The following PDGFD variants were observed in gnomAD, a reference collection of about 807,000 sequenced individuals.
PDGFD encodes the protein platelet-derived growth factor D.
A neutral mutation model predicts 44.7 loss-of-function variants in PDGFD; 30 were observed. That is an observed-to-expected ratio of 0.67 (90% confidence interval 0.50 to 0.91). The LOEUF is 0.91. Among genes scored for constraint, PDGFD ranks in the 40% least tolerant of loss-of-function variants. The pLI, the probability that PDGFD is intolerant of heterozygous loss-of-function variation, is 0.00. For missense variants in PDGFD, 445 were observed against 457.8 expected, an observed-to-expected ratio of 0.97 and a Z score of 0.25; for synonymous variants, 173 against 168.4, an observed-to-expected ratio of 1.03 and a Z score of -0.21.
At chr11:103,989,853 A>G (rs966408591) in intron 3 of PDGFD, among the ~76,000 whole-genome samples, 3 of 152,174 alleles carry the variant, frequency 2.0e-5, no homozygotes, top group Admixed American at 1.3e-4. Context: ...GCCATGCACT[A>G]TGATAAAACA....
At chr11:104,071,325 T>G (rs1290997151) in intron 1 of PDGFD, among the ~76,000 whole-genome samples, 1 of 151,784 alleles carries the variant, frequency 6.6e-6, no homozygotes, top group Non-Finnish European at 1.5e-5. Flanking sequence ...ATGTCAATAT[T>G]GTAAATATAT....
At chr11:104,110,825 T>TA (rs956982796) in intron 1 of PDGFD, among the ~76,000 whole-genome samples, 17 of 152,220 alleles carry the variant, frequency 1.1e-4, no homozygotes, top group South Asian at 2.1e-4. Context: ...AAGGAGATTA[T>TA]AAGAGTTCTA....
At chr11:104,098,472 T>C (rs181549818) in intron 1 of PDGFD, among the ~76,000 whole-genome samples, 1 of 151,716 alleles carries the variant, frequency 6.6e-6, no homozygotes, top group East Asian at 1.9e-4. Flanking sequence ...TTTCAAATCA[T>C]ATATAGAGAG....
chr11:104,140,937 T>A (rs148287943), intron 1 of PDGFD, among the ~76,000 whole-genome samples: 81 of 152,372 alleles, frequency 5.3e-4, no homozygotes, highest in Admixed American at 9.8e-4. Flanking sequence ...CTTGGCTATG[T>A]TAATAGATTT....
At chr11:104,035,561 CTTTTTTTTTTTT>C (rs3050598) in intron 1 of PDGFD, among the ~76,000 whole-genome samples, 6 of 115,286 alleles carry the variant, frequency 5.2e-5, no homozygotes, top group African/African-American at 1.4e-4. Flanking sequence ...ACTTCTTTTT[CTTTTTTTTTTTT>C]TTTTTTTTTG....
At chr11:103,988,928 G>C (rs934335342) in intron 3 of PDGFD, among the ~76,000 whole-genome samples, 1 of 152,052 alleles carries the variant, frequency 6.6e-6, no homozygotes, top group Non-Finnish European at 1.5e-5. Flanking sequence ...GAATATTTAC[G>C]ACATGTCAGG....
chr11:104,087,489 G>A (rs1473547884), intron 1 of PDGFD, among the ~76,000 whole-genome samples: 1 of 152,070 alleles, frequency 6.6e-6, no homozygotes, highest in Non-Finnish European at 1.5e-5. Context: ...TTACAGGCAT[G>A]AGCAACTGAG....
intron 5 of PDGFD, among the ~76,000 whole-genome samples, chr11:103,939,571 G>A (rs1858550473): frequency 6.6e-6 from 1 of 152,036 alleles, no homozygotes; most frequent in Admixed American, 6.6e-5. Flanking sequence ...TGATTGCCCT[G>A]GAGGCATATG....
Position 104,000,060 on chromosome 11 carries a change from T to C in PDGFD, c.320A>G (p.Asp107Gly). Residue 107 changes from aspartate to glycine, a missense_variant, in exon 2 of 7, where the codon GAT becomes GGT. Coordinates refer to ENST00000393158, the MANE Select transcript of PDGFD (RefSeq NM_025208.5). The part of the protein sequence containing the change: ...NQFGLEEAEN[D>G]ICRYDFVEVE... The stretch of plus-strand genomic sequence containing the variant: ...TTTTTTCCCAACTTACCTACAGATA[T>C]CATTTTCTGCTTCCTCTAATCCAAA... 3 of 1,614,010 alleles carry C rather than the reference T, an allele frequency of 1.9e-6. No individual in the cohort carries two copies. The highest frequency in any genetic ancestry group is 1.7e-6 in the Non-Finnish European group (2 of 1,179,912).
At chr11:104,040,900 A>G (rs1860338736) in intron 1 of PDGFD, among the ~76,000 whole-genome samples, 1 of 152,018 alleles carries the variant, frequency 6.6e-6, no homozygotes, top group Non-Finnish European at 1.5e-5. Flanking sequence ...TTAAAATTAT[A>G]TTTTATGTAT....
At chr11:104,045,759 C>T (rs1360112355) in intron 1 of PDGFD, among the ~76,000 whole-genome samples, 2 of 146,778 alleles carry the variant, frequency 1.4e-5, no homozygotes, top group African/African-American at 5.0e-5. Flanking sequence ...TTCAAGTTTT[C>T]ATGGAGCTAT....
chr11:103,955,595 T>C (rs6591062), intron 3 of PDGFD, among the ~76,000 whole-genome samples: 87,525 of 152,166 alleles, frequency 0.58, 27,842 homozygotes, highest in African/African-American at 0.87. Context: ...ATGGTAAAGG[T>C]CTTGGCAGGA....
At chr11:104,103,109 G>A (rs908834938) in intron 1 of PDGFD, among the ~76,000 whole-genome samples, 3 of 151,962 alleles carry the variant, frequency 2.0e-5, no homozygotes, top group South Asian at 2.1e-4. Context: ...TGGTCACATG[G>A]CCACAAACAA....
At chr11:103,977,870 A>G (rs1859206761) in intron 3 of PDGFD, among the ~76,000 whole-genome samples, 2 of 152,016 alleles carry the variant, frequency 1.3e-5, no homozygotes, top group South Asian at 4.1e-4. Context: ...AGTCCAAATG[A>G]TAAGATGAGG....
intron 1 of PDGFD, among the ~76,000 whole-genome samples, chr11:104,077,956 C>T (rs1326358992): frequency 1.3e-5 from 2 of 152,104 alleles, no homozygotes; most frequent in African/African-American, 4.8e-5. Context: ...ATCCATGCTG[C>T]CCTATGGTCT....
At chr11:103,956,042 T>A (rs1438701935) in intron 3 of PDGFD, among the ~76,000 whole-genome samples, 1 of 151,450 alleles carries the variant, frequency 6.6e-6, no homozygotes, top group Non-Finnish European at 1.5e-5. Flanking sequence ...GTTTCTGATT[T>A]CTTCAGACTG....
intron 3 of PDGFD, among the ~76,000 whole-genome samples, chr11:103,965,895 G>A (rs1229261587): frequency 6.6e-6 from 1 of 152,190 alleles, no homozygotes; most frequent in African/African-American, 2.4e-5. Flanking sequence ...AAGCAGATGA[G>A]CGAGGAAGCA....
chr11:103,992,210 C>A (rs1859466333), intron 3 of PDGFD, among the ~76,000 whole-genome samples: 1 of 152,060 alleles, frequency 6.6e-6, no homozygotes, highest in African/African-American at 2.4e-5. Context: ...TGAAATGAGG[C>A]AAATTTTATG....
chr11:104,051,556 G>A (rs361314), intron 1 of PDGFD, among the ~76,000 whole-genome samples: 66,383 of 151,676 alleles, frequency 0.44, 15,489 homozygotes, highest in African/African-American at 0.6. Flanking sequence ...AGGTCCCTGG[G>A]AAGATTTAAA....
Sources: allele counts gnomAD v4.1 joint callset (sites outside exome capture counted in the v4.1 genomes callset), GRCh38; gene constraint gnomAD v4.1.1; transcripts MANE v1.5; gene names NCBI Gene and HGNC (gene_info 2026-07-23, HGNC 2026-07-21).